Variants in GALNT13 observed in about 807,000 individuals in gnomAD.
GALNT13 encodes polypeptide N-acetylgalactosaminyltransferase 13.
A neutral mutation model predicts 64.2 loss-of-function variants in GALNT13; 28 were observed. The observed-to-expected ratio is 0.44, with a 90% CI of 0.32 to 0.60. The LOEUF is 0.60. GALNT13 is among the 20% of genes least tolerant of loss of function. The pLI is 0.05. For synonymous variants in GALNT13, 214 were observed against 224.6 expected, an observed-to-expected ratio of 0.95 and a Z score of 0.42; for missense variants, 577 against 669.8, an observed-to-expected ratio of 0.86 and a Z score of 1.53.
intron 9 of GALNT13, among the ~76,000 whole-genome samples, chr2:154,311,814 C>G (rs1178976894): frequency 1.3e-5 from 2 of 152,160 alleles, no homozygotes; most frequent in African/African-American, 4.8e-5. Flanking sequence ...TTCTCAGGGA[C>G]GTTCCATGCT....
chr2:153,465,598 G>A, the GALNT13 span, among the ~76,000 whole-genome samples: 1 of 151,568 alleles, frequency 6.6e-6, no homozygotes, highest in African/African-American at 2.4e-5. Context: ...CTTTTGTTTT[G>A]GATAAATAGG....
chr2:153,957,724 AG>A (rs1402803769), intron 3 of GALNT13, among the ~76,000 whole-genome samples: 1 of 152,174 alleles, frequency 6.6e-6, no homozygotes, highest in Non-Finnish European at 1.5e-5. Flanking sequence ...CAGGGGACTT[AG>A]GCAACTGCTA....
chr2:154,428,654 T>C (rs1237756058), intron 11 of GALNT13, among the ~76,000 whole-genome samples: 1 of 152,222 alleles, frequency 6.6e-6, no homozygotes, highest in Non-Finnish European at 1.5e-5. Context: ...AGCATGTCTA[T>C]TGGCTTCATT....
At chr2:154,165,524 A>G (rs73005463) in intron 4 of GALNT13, among the ~76,000 whole-genome samples, 3,289 of 152,308 alleles carry the variant, frequency 0.022, 131 homozygotes, top group African/African-American at 0.074. Flanking sequence ...TGGGAATTTA[A>G]TCATCTTAAG....
At chr2:153,887,548 G>A (rs939800898) in intron 1 of GALNT13, among the ~76,000 whole-genome samples, 1 of 151,646 alleles carries the variant, frequency 6.6e-6, no homozygotes. Context: ...AGATAAATGT[G>A]TGAAGGCAAA....
the GALNT13 span, among the ~76,000 whole-genome samples, chr2:153,254,834 C>T: frequency 1.2e-4 from 18 of 152,104 alleles, no homozygotes; most frequent in African/African-American, 4.1e-4. Flanking sequence ...GTCTGAGAGA[C>T]AGTTTGTTAT....
intron 4 of GALNT13, among the ~76,000 whole-genome samples, chr2:154,191,885 A>AC (rs879531803): frequency 2.0e-5 from 3 of 151,534 alleles, no homozygotes; most frequent in African/African-American, 4.9e-5. Context: ...GCTCAGTTAG[A>AC]CCCCCCGCCT....
the GALNT13 span, among the ~76,000 whole-genome samples, chr2:153,089,106 G>A: frequency 6.6e-6 from 1 of 152,046 alleles, no homozygotes; most frequent in African/African-American, 2.4e-5. Context: ...CTATTTTGGT[G>A]TATTTCAAGG....
At chr2:153,547,805 G>A in the GALNT13 span, among the ~76,000 whole-genome samples, 10 of 152,132 alleles carry the variant, frequency 6.6e-5, no homozygotes, top group Admixed American at 5.2e-4. Flanking sequence ...TCTGAAATTA[G>A]GCAAACTGGG....
At chr2:153,737,021 A>G in the GALNT13 span, among the ~76,000 whole-genome samples, 1 of 152,184 alleles carries the variant, frequency 6.6e-6, no homozygotes, top group South Asian at 2.1e-4. Context: ...CTTGGGATCC[A>G]ATATTCTATG....
At chr2:153,266,555 CT>C in the GALNT13 span, among the ~76,000 whole-genome samples, 1 of 141,458 alleles carries the variant, frequency 7.1e-6, no homozygotes, top group African/African-American at 2.7e-5. Context: ...AAGCAAGTAC[CT>C]TCTTCACAAG....
At chr2:154,364,645 GTTTTGT>G (rs1697261635) in intron 9 of GALNT13, among the ~76,000 whole-genome samples, 1 of 8,748 alleles carries the variant, frequency 1.1e-4, no homozygotes, top group African/African-American at 1.1e-3. Context: ...CACTTTTGTT[GTTTTGT>G]TTTGTTTTGT....
chr2:153,179,313 C>T, the GALNT13 span, among the ~76,000 whole-genome samples: 6 of 152,122 alleles, frequency 3.9e-5, no homozygotes, highest in Non-Finnish European at 5.9e-5. Flanking sequence ...ACATAAAAGG[C>T]ACATTTGTTA....
the GALNT13 span, among the ~76,000 whole-genome samples, chr2:153,401,381 G>A: frequency 6.6e-6 from 1 of 151,784 alleles, no homozygotes; most frequent in African/African-American, 2.4e-5. Flanking sequence ...GTGGTGTGGT[G>A]CTGAAAAAAA....
chr2:154,449,869 A>G (rs1339103103), intron 12 of GALNT13, among the ~76,000 whole-genome samples: 1 of 152,034 alleles, frequency 6.6e-6, no homozygotes, highest in Non-Finnish European at 1.5e-5. Flanking sequence ...TAAGGATTTT[A>G]TCAAGTAAGA....
At chr2:153,162,999 CAGA>C in the GALNT13 span, among the ~76,000 whole-genome samples, 6 of 152,126 alleles carry the variant, frequency 3.9e-5, no homozygotes, top group African/African-American at 1.2e-4. Flanking sequence ...ACAGTGAGGC[CAGA>C]AGAAGAGGCA....
At chr2:153,988,073 TACACACAC>T (rs70981691) in intron 3 of GALNT13, among the ~76,000 whole-genome samples, 1 of 146,062 alleles carries the variant, frequency 6.8e-6, no homozygotes, top group Non-Finnish European at 1.5e-5. Flanking sequence ...TATATATATA[TACACACAC>T]ACACACACAC....
chr2:154,309,246 C>T (rs1444623570), intron 9 of GALNT13, among the ~76,000 whole-genome samples: 1 of 152,118 alleles, frequency 6.6e-6, no homozygotes, highest in Admixed American at 6.5e-5. Flanking sequence ...CCTTCTCGCC[C>T]ACAGTCTTCA....
chr2:154,431,611 C>T (rs764847232), intron 11 of GALNT13, among the ~76,000 whole-genome samples: 25 of 152,270 alleles, frequency 1.6e-4, no homozygotes, highest in Middle Eastern at 3.4e-3. Flanking sequence ...ACAAACCATA[C>T]ATGTACGTGA....
Sources: gnomAD v4.1 joint callset for allele counts (sites outside exome capture counted in the v4.1 genomes callset) on GRCh38, gnomAD v4.1.1 for gene constraint, MANE v1.5 for transcripts, NCBI Gene and HGNC (gene_info 2026-07-23, HGNC 2026-07-21) for gene names.